NR3C2: variants seen among roughly 807,000 people sequenced by gnomAD.
NR3C2 encodes the protein nuclear receptor subfamily 3 group C member 2.
A neutral mutation model predicts 86.4 loss-of-function variants in NR3C2; 15 were observed. The observed-to-expected ratio is 0.17, with a 90% CI of 0.12 to 0.27. NR3C2 has a LOEUF of 0.27. Among genes scored for constraint, NR3C2 ranks in the 10% least tolerant of loss-of-function variants. The pLI, the probability that NR3C2 is intolerant of heterozygous loss-of-function variation, is 1.00. For missense variants in NR3C2, 960 were observed against 1,195.6 expected (o/e 0.80, Z 2.91); for synonymous variants, 458 against 450.5 (o/e 1.02, Z -0.21).
chr4:148,355,516 A>G (rs1462259285), intron 2 of NR3C2, among the ~76,000 whole-genome samples: 1 of 152,150 alleles, frequency 6.6e-6, no homozygotes, highest in African/African-American at 2.4e-5. Context: ...TATAACATCC[A>G]GAAGAAAGCC....
At chr4:148,305,367 A>G (rs566975639) in intron 2 of NR3C2, among the ~76,000 whole-genome samples, 5 of 152,110 alleles carry the variant, frequency 3.3e-5, no homozygotes, top group Non-Finnish European at 5.9e-5. Flanking sequence ...CCTTTCAGAA[A>G]CTGAGGGTGC....
chr4:148,317,358 AAAAAAAAAG>A (rs886570189), intron 2 of NR3C2, among the ~76,000 whole-genome samples: 3 of 151,448 alleles, frequency 2.0e-5, no homozygotes, highest in Non-Finnish European at 2.9e-5. Context: ...TCTGTCTCAA[AAAAAAAAAG>A]AAAAAAAGAA....
chr4:148,263,268 T>G (rs1740219319), intron 2 of NR3C2, among the ~76,000 whole-genome samples: 2 of 152,202 alleles, frequency 1.3e-5, no homozygotes. Flanking sequence ...AATATTTACT[T>G]TCTTTCTCCA....
intron 4 of NR3C2, among the ~76,000 whole-genome samples, chr4:148,183,522 T>C (rs1207997027): frequency 6.6e-6 from 1 of 152,224 alleles, no homozygotes; most frequent in Admixed American, 6.5e-5. Flanking sequence ...TTCTAATTGG[T>C]GTGAGATGAT....
At chr4:148,412,699 T>C (rs1246726056) in intron 2 of NR3C2, among the ~76,000 whole-genome samples, 1 of 152,220 alleles carries the variant, frequency 6.6e-6, no homozygotes, top group East Asian at 1.9e-4. Flanking sequence ...TTCTTTTACT[T>C]ATTTATATTT....
At chr4:148,122,665 C>T (rs965947410) in intron 6 of NR3C2, among the ~76,000 whole-genome samples, 1 of 152,240 alleles carries the variant, frequency 6.6e-6, no homozygotes, top group Non-Finnish European at 1.5e-5. Flanking sequence ...AACGGAGGGA[C>T]TGGCTGGAGC....
At chr4:148,240,703 T>A (rs990699715) in intron 3 of NR3C2, among the ~76,000 whole-genome samples, 2 of 152,182 alleles carry the variant, frequency 1.3e-5, no homozygotes, top group African/African-American at 2.4e-5. Context: ...GTAAAATCTG[T>A]TGAGGTCTGC....
intron 2 of NR3C2, among the ~76,000 whole-genome samples, chr4:148,352,530 AC>A (rs1745341492): frequency 6.6e-6 from 1 of 151,932 alleles, no homozygotes; most frequent in African/African-American, 2.4e-5. Context: ...GAATTGAAAG[AC>A]CCCATCTCAA....
intron 4 of NR3C2, among the ~76,000 whole-genome samples, chr4:148,179,851 CAATT>C (rs1211384327): frequency 3.3e-5 from 5 of 151,876 alleles, no homozygotes; most frequent in East Asian, 1.9e-4. Flanking sequence ...ATTACTATGA[CAATT>C]AATATGGCTT....
intron 2 of NR3C2, among the ~76,000 whole-genome samples, chr4:148,276,046 C>A (rs898402953): frequency 1.3e-5 from 2 of 152,124 alleles, no homozygotes; most frequent in East Asian, 1.9e-4. Flanking sequence ...CTTACTCTTA[C>A]AATGTGTTAA....
intron 4 of NR3C2, among the ~76,000 whole-genome samples, chr4:148,163,255 T>C (rs771044824): frequency 1.3e-5 from 2 of 152,210 alleles, no homozygotes; most frequent in African/African-American, 2.4e-5. Context: ...GGCATCCTGC[T>C]TGCCTGAGGG....
chr4:148,317,279 C>T (rs6535600), intron 2 of NR3C2, among the ~76,000 whole-genome samples: 6 of 151,012 alleles, frequency 4.0e-5, no homozygotes, highest in South Asian at 2.1e-4. Context: ...CACTTTAACC[C>T]GGGAGGTGGA....
At chr4:148,324,695 C>G (rs1743862111) in intron 2 of NR3C2, among the ~76,000 whole-genome samples, 1 of 152,070 alleles carries the variant, frequency 6.6e-6, no homozygotes, top group African/African-American at 2.4e-5. Context: ...CAAAAAAACC[C>G]CAAACTGATT....
intron 2 of NR3C2, among the ~76,000 whole-genome samples, chr4:148,317,668 A>C (rs1743269319): frequency 6.6e-6 from 1 of 152,156 alleles, no homozygotes; most frequent in African/African-American, 2.4e-5. Context: ...ATTTTCCTTG[A>C]AAATACATCC....
At chr4:148,157,313 A>G (rs914727400) in intron 4 of NR3C2, among the ~76,000 whole-genome samples, 2 of 152,106 alleles carry the variant, frequency 1.3e-5, no homozygotes, top group Non-Finnish European at 2.9e-5. Flanking sequence ...AATTAAAAAA[A>G]CCCCAAAAAT....
intron 3 of NR3C2, among the ~76,000 whole-genome samples, chr4:148,210,181 TTTTTTG>T (rs531120437): frequency 5.3e-5 from 8 of 151,870 alleles, no homozygotes; most frequent in South Asian, 2.1e-4. Flanking sequence ...TTTTAGGTGT[TTTTTTG>T]TTTTTGTTTT....
intron 2 of NR3C2, among the ~76,000 whole-genome samples, chr4:148,414,010 TC>T (rs1334309823): frequency 6.6e-6 from 1 of 152,190 alleles, no homozygotes; most frequent in African/African-American, 2.4e-5. Flanking sequence ...AAAATTTGTC[TC>T]TGCAGCACTA....
chr4:148,443,958 C>G (rs1191649298), upstream of NR3C2: 1 of 978,644 alleles, frequency 1.0e-6, no homozygotes, highest in Non-Finnish European at 1.2e-6. Context: ...TGGTCCTGAC[C>G]CCAGACTCTA....
In NR3C2 at chr4:148,160,004, C is replaced by T. The variant is rs58470658; in HGVS notation, c.2015-5103G>A. 6.2e-3 allele frequency among the ~76,000 whole-genome samples: 939 copies of T among 152,278 alleles called. 14 individuals carry two copies. The highest frequency in any genetic ancestry group is 0.022 in the African/African-American group (894 of 41,560). On this transcript the variant is annotated intron_variant, in intron 4 of 8. Transcript: ENST00000358102. ...CTGTGTGTGTATCTGTGTGTGTGCA[C>T]GTGCAGGGTACATTAATGTGACTGT...
Sources: gnomAD v4.1 joint callset for allele counts (sites outside exome capture counted in the v4.1 genomes callset) on GRCh38, gnomAD v4.1.1 for gene constraint, MANE v1.5 for transcripts, NCBI Gene and HGNC (gene_info 2026-07-23, HGNC 2026-07-21) for gene names.